Variants in WAPL observed in about 807,000 individuals in gnomAD.
WAPL encodes WAPL cohesin release factor, also known as wings apart-like protein homolog.
Under a neutral mutation model 121.0 loss-of-function variants are expected in WAPL, and 5 were observed. The observed-to-expected ratio is 0.04, with a 90% CI of 0.02 to 0.09. The LOEUF is 0.09. Ranked by LOEUF, WAPL falls within the 10% of genes least tolerant of loss-of-function variation. WAPL has a pLI of 1.00. For missense variants in WAPL, 999 were observed against 1,410.8 expected (o/e 0.71, Z 4.68); for synonymous variants, 480 against 481.5 (o/e 1.00, Z 0.04).
intron 14 of WAPL, among the ~76,000 whole-genome samples, chr10:86,452,571 AAG>A (rs2132173164): frequency 6.6e-6 from 1 of 152,260 alleles, no homozygotes; most frequent in African/African-American, 2.4e-5. Flanking sequence ...CAGCCTGGGC[AAG>A]AGAGTGAGTG....
chr10:86,461,106 G>T, intron 10 of WAPL, 70 bp downstream of exon 10: 1 of 1,121,874 alleles, frequency 8.9e-7, no homozygotes, highest in Non-Finnish European at 1.3e-6. Flanking sequence ...ATTTTTTGAA[G>T]TACGTCAATG....
intron 15 of WAPL, among the ~76,000 whole-genome samples, chr10:86,451,260 T>C (rs1302921540): frequency 6.6e-6 from 1 of 151,980 alleles, no homozygotes; most frequent in East Asian, 1.9e-4. Context: ...AGAACAAATG[T>C]GCCTTTGTCT....
chr10:86,474,107 CCAT>C (rs1233412881), intron 4 of WAPL, 134 bp from the exon 5 acceptor site: 5 of 669,098 alleles, frequency 7.5e-6, no homozygotes, highest in Non-Finnish European at 1.3e-5. Context: ...AACAGTCCCA[CCAT>C]AATTCCCATT....
intron 2 of WAPL, among the ~76,000 whole-genome samples, chr10:86,512,354 T>C (rs746423155): frequency 1.1e-4 from 17 of 152,240 alleles, no homozygotes; most frequent in Non-Finnish European, 1.9e-4. Context: ...ATCTCAATAT[T>C]TGGCAGGATA....
intron 4 of WAPL, among the ~76,000 whole-genome samples, chr10:86,477,479 T>C (rs1462008116): frequency 6.6e-6 from 1 of 152,172 alleles, no homozygotes; most frequent in Non-Finnish European, 1.5e-5. Context: ...AGGCTTGTCT[T>C]TAATCTTCTT....
At position 86,467,354 on chromosome 10, in the gene WAPL, C is replaced by A; in HGVS notation, c.2295G>T (p.Met765Ile). The change falls in exon 9 of 19, where the codon ATG (methionine) becomes ATT (isoleucine). Residue 765 changes from methionine to isoleucine, a missense_variant. Around this residue, in one of 7 missense-constraint regions of WAPL, gnomAD observed 118 missense variants for 318.3 expected, o/e 0.37. Coordinates refer to ENST00000298767, the MANE Select transcript of WAPL (RefSeq NM_015045.5). ...SSAKLLNEKD[M>I]NKIKEKIRRL... The stretch of plus-strand genomic sequence containing the variant: ...TTCGGATTTTTTCTTTAATTTTGTT[C>A]ATGTCTTTTTCATTCAGTAGCTTGG... 2 of 1,613,992 alleles carry A rather than the reference C, an allele frequency of 1.2e-6. No individual in the cohort carries two copies. Among genetic ancestry groups the A allele is most frequent in the South Asian group, 1.1e-5 (1 of 91,066 alleles).
At chr10:86,507,454 ACAACCTCTTATT>A (rs1414500381) in intron 2 of WAPL, among the ~76,000 whole-genome samples, 1 of 151,750 alleles carries the variant, frequency 6.6e-6, no homozygotes, top group Non-Finnish European at 1.5e-5. Context: ...TTGTCATCCA[ACAACCTCTTATT>A]CAACCTCTTA....
At chr10:86,501,934 G>A (rs1041096297) in intron 2 of WAPL, among the ~76,000 whole-genome samples, 1 of 152,064 alleles carries the variant, frequency 6.6e-6, no homozygotes, top group Non-Finnish European at 1.5e-5. Flanking sequence ...TCAAGCAAAC[G>A]TCCTGCCTCT....
intron 4 of WAPL, among the ~76,000 whole-genome samples, chr10:86,492,189 A>G (rs890087856): frequency 6.6e-6 from 1 of 152,250 alleles, no homozygotes; most frequent in African/African-American, 2.4e-5. Context: ...ATAAGCAAAA[A>G]TTACTGAATC....
intron 12 of WAPL, among the ~76,000 whole-genome samples, chr10:86,457,190 G>C (rs1024457426): frequency 6.6e-6 from 1 of 152,124 alleles, no homozygotes; most frequent in African/African-American, 2.4e-5. Context: ...AATGCATGCG[G>C]TAAGAGCACT....
chr10:86,470,124 C>T (rs1841503824), intron 8 of WAPL, among the ~76,000 whole-genome samples: 1 of 152,016 alleles, frequency 6.6e-6, no homozygotes, highest in South Asian at 2.1e-4. Context: ...CCTCCACCTC[C>T]CGGGTTCAAG....
At chr10:86,491,859 T>G (rs1842054896) in intron 4 of WAPL, among the ~76,000 whole-genome samples, 1 of 152,214 alleles carries the variant, frequency 6.6e-6, no homozygotes, top group African/African-American at 2.4e-5. Flanking sequence ...ATCCATCACT[T>G]TCCAGTTACC....
chr10:86,485,606 G>GA (rs1333232764), intron 4 of WAPL, among the ~76,000 whole-genome samples: 3 of 151,334 alleles, frequency 2.0e-5, no homozygotes, highest in Admixed American at 2.0e-4. Context: ...AGTATTAAAG[G>GA]AAAAAAAAGC....
intron 4 of WAPL, among the ~76,000 whole-genome samples, chr10:86,484,272 G>T (rs1841876508): frequency 6.6e-6 from 1 of 152,156 alleles, no homozygotes; most frequent in Admixed American, 6.6e-5. Context: ...AAGCTGGGAG[G>T]ATTGCTTGAG....
At chr10:86,453,860 A>T in intron 12 of WAPL, 29 bp from the exon 13 acceptor site, 1 of 1,451,420 alleles carries the variant, frequency 6.9e-7, no homozygotes, top group Non-Finnish European at 9.1e-7. Context: ...ATAGACTATT[A>T]TAGTAAATAA....
Position 86,436,607 on chromosome 10 carries a change from T to C in WAPL, c.*936A>G, listed in dbSNP as rs1849328925. ...TCACTCTATAGAAGAATATACATGTTATCTGGAAACAGGAATTCCACATTG... is the reference window on the plus strand; with the variant it reads ...TCACTCTATAGAAGAATATACATGTCATCTGGAAACAGGAATTCCACATTG... On this transcript the variant is annotated 3_prime_UTR_variant, in exon 19 of 19. Coordinates refer to ENST00000298767, the MANE Select transcript of WAPL (RefSeq NM_015045.5). The C allele has an allele frequency of 6.5e-6, 1 of 152,692 alleles. No homozygotes were observed. The highest frequency in any genetic ancestry group is 2.1e-4 in the South Asian group (1 of 4,838). 9.5% of individuals were successfully genotyped at this position (152,692 alleles called of 1,614,324 possible). A position where few individuals can be genotyped will look rare whatever the true frequency, so the allele number is the denominator to read the frequency against.
chr10:86,476,817 A>G (rs993975552), intron 4 of WAPL, among the ~76,000 whole-genome samples: 3 of 152,224 alleles, frequency 2.0e-5, no homozygotes, highest in Non-Finnish European at 4.4e-5. Flanking sequence ...CCTACCTAAT[A>G]AAGAATATGA....
chr10:86,502,017 C>G (rs1842256576), intron 2 of WAPL, among the ~76,000 whole-genome samples: 1 of 152,168 alleles, frequency 6.6e-6, no homozygotes, highest in Non-Finnish European at 1.5e-5. Context: ...TGTAATTTAA[C>G]AGGTTAAGAT....
At chr10:86,500,935 C>T (rs1243514121) in intron 2 of WAPL, among the ~76,000 whole-genome samples, 192 bp from the exon 3 acceptor site, 1 of 152,148 alleles carries the variant, frequency 6.6e-6, no homozygotes, top group African/African-American at 2.4e-5. Context: ...GCTCTCATGC[C>T]TTCTACTGAC....
Sources: allele counts gnomAD v4.1 joint callset (sites outside exome capture counted in the v4.1 genomes callset), GRCh38; gene constraint gnomAD v4.1.1; regional missense constraint gnomAD v4.1.1; transcripts MANE v1.5; gene names NCBI Gene and HGNC (gene_info 2026-07-23, HGNC 2026-07-21).